The following KCNIP4 variants were observed in gnomAD, a reference collection of about 807,000 sequenced individuals.
KCNIP4 encodes the protein Kv channel-interacting protein 4.
A neutral mutation model predicts 34.0 loss-of-function variants in KCNIP4; 12 were observed. That is an observed-to-expected ratio of 0.35 (90% CI 0.23 to 0.57). The LOEUF is 0.57. Ranked by LOEUF, KCNIP4 falls within the 20% of genes least tolerant of loss-of-function variation. The probability of loss-of-function intolerance (pLI) is 0.83; values close to 1 mark genes in which losing one functional copy is unlikely to be tolerated. For missense variants in KCNIP4, 238 were observed against 311.7 expected (o/e 0.76, Z 1.78); for synonymous variants, 124 against 102.2 (o/e 1.21, Z -1.29).
chr4:20,856,011 T>C (rs1721533346), intron 2 of KCNIP4, among the ~76,000 whole-genome samples: 1 of 152,176 alleles, frequency 6.6e-6, no homozygotes, highest in South Asian at 2.1e-4. Flanking sequence ...CTGGGCTTTA[T>C]GGGGAAAATC....
chr4:21,548,230 C>A (rs114838783), intron 1 of KCNIP4, among the ~76,000 whole-genome samples: 1,673 of 152,094 alleles, frequency 0.011, 31 homozygotes, highest in African/African-American at 0.037. Flanking sequence ...TTATATTCTG[C>A]AGCATTTCGG....
intron 2 of KCNIP4, among the ~76,000 whole-genome samples, chr4:20,861,196 T>C (rs546585413): frequency 2.0e-5 from 3 of 152,290 alleles, no homozygotes; most frequent in South Asian, 2.1e-4. Context: ...CCTCCCTGGA[T>C]AGAGAGTTTA....
intron 1 of KCNIP4, among the ~76,000 whole-genome samples, chr4:21,577,258 A>G (rs1740815867): frequency 6.6e-6 from 1 of 152,124 alleles, no homozygotes; most frequent in Non-Finnish European, 1.5e-5. Context: ...CTCTGTGCCA[A>G]TTTCTAAAGA....
chr4:21,733,400 G>A (rs1715753204), intron 1 of KCNIP4, among the ~76,000 whole-genome samples: 2 of 152,120 alleles, frequency 1.3e-5, no homozygotes, highest in East Asian at 1.9e-4. Flanking sequence ...AGAAGAATAT[G>A]TTGTCTACAG....
chr4:21,075,864 T>A (rs1037528554), intron 1 of KCNIP4, among the ~76,000 whole-genome samples: 2 of 152,182 alleles, frequency 1.3e-5, no homozygotes, highest in African/African-American at 2.4e-5. Flanking sequence ...CATTTGCTTG[T>A]CTGTAAAGGA....
chr4:21,244,686 A>T (rs757383112), intron 1 of KCNIP4, among the ~76,000 whole-genome samples: 1 of 152,226 alleles, frequency 6.6e-6, no homozygotes, highest in African/African-American at 2.4e-5. Context: ...TTAATGAATC[A>T]TGAAATTCTT....
At chr4:21,759,353 A>G (rs193134808) in intron 1 of KCNIP4, among the ~76,000 whole-genome samples, 12 of 152,320 alleles carry the variant, frequency 7.9e-5, no homozygotes, top group Non-Finnish European at 1.6e-4. Flanking sequence ...TGCCTCTTCA[A>G]TCAACATTGG....
chr4:21,618,688 A>C (rs1346510570), intron 1 of KCNIP4, among the ~76,000 whole-genome samples: 1 of 128,544 alleles, frequency 7.8e-6, no homozygotes, highest in Non-Finnish European at 1.5e-5. Flanking sequence ...GCTGGAGTGC[A>C]GTGGCGTGAT....
Position 20,729,739 on chromosome 4 carries a change from C to CAAAAAACACTGATATTTT in KCNIP4, c.*325_*342dup, listed in dbSNP as rs1553881928. 2.6e-5 allele frequency: 5 copies of CAAAAAACACTGATATTTT among 193,800 alleles called. No homozygotes were observed. Among genetic ancestry groups the CAAAAAACACTGATATTTT allele is most frequent in the Non-Finnish European group, 4.2e-5 (4 of 96,146 alleles). 12.0% of individuals were successfully genotyped at this position (193,800 alleles called of 1,614,324 possible). A position where few individuals can be genotyped will look rare whatever the true frequency, so the allele number is the denominator to read the frequency against. ...GGACTGAATACATACAAATGAGTAG[C>CAAAAAACACTGATATTTT]AAAAAACACTGATATTTTAAAATCA... On this transcript the variant is annotated 3_prime_UTR_variant, in exon 9 of 9. Coordinates refer to ENST00000382152, the MANE Select transcript of KCNIP4 (RefSeq NM_025221.6).
chr4:20,742,937 C>G (rs79667669), intron 5 of KCNIP4, among the ~76,000 whole-genome samples: 1 of 151,816 alleles, frequency 6.6e-6, no homozygotes, highest in Non-Finnish European at 1.5e-5. Flanking sequence ...CAAACAGAGC[C>G]AAATCATGAG....
In KCNIP4 at chr4:21,197,200, T is replaced by A. The variant is rs11723943; in HGVS notation, c.62-314491A>T. 2.6e-5 allele frequency among the ~76,000 whole-genome samples: 4 copies of A among 152,332 alleles called. No individual in the cohort carries two copies. In the East Asian group the frequency reaches 7.7e-4, roughly 29 times the overall value. On this transcript the variant is annotated intron_variant, in intron 1 of 8. Transcript: ENST00000382152. ...GTTTCTAATATTTGGTTATTGTGAA[T>A]ATTAACTATTGCGAACATTCTTGCA...
intron 1 of KCNIP4, among the ~76,000 whole-genome samples, chr4:20,961,680 C>G (rs969896393): frequency 6.6e-6 from 1 of 152,026 alleles, no homozygotes; most frequent in Non-Finnish European, 1.5e-5. Context: ...AAAAGTATAA[C>G]CAGAAAAATT....
chr4:21,190,277 A>T (rs1017834425), intron 1 of KCNIP4, among the ~76,000 whole-genome samples: 2 of 151,890 alleles, frequency 1.3e-5, no homozygotes, highest in Non-Finnish European at 2.9e-5. Flanking sequence ...GGGAAACATG[A>T]AGCCTAATGT....
intron 1 of KCNIP4, among the ~76,000 whole-genome samples, chr4:20,964,754 A>T (rs1225791606): frequency 6.6e-6 from 1 of 152,158 alleles, no homozygotes; most frequent in Non-Finnish European, 1.5e-5. Context: ...TAAAATATCC[A>T]ATTTTCTTAG....
At chr4:21,392,109 C>T (rs1278466718) in intron 1 of KCNIP4, among the ~76,000 whole-genome samples, 1 of 152,172 alleles carries the variant, frequency 6.6e-6, no homozygotes, top group Non-Finnish European at 1.5e-5. Context: ...AGGAGATAGA[C>T]TCTTCTGCTA....
chr4:21,006,997 G>A (rs1738623197), intron 1 of KCNIP4, among the ~76,000 whole-genome samples: 1 of 152,196 alleles, frequency 6.6e-6, no homozygotes, highest in Non-Finnish European at 1.5e-5. Flanking sequence ...GTGCCTGGCT[G>A]ACTTTCCAAG....
intron 1 of KCNIP4, among the ~76,000 whole-genome samples, chr4:21,237,204 T>C (rs1372356942): frequency 2.0e-5 from 3 of 152,180 alleles, no homozygotes; most frequent in African/African-American, 7.2e-5. Context: ...GATTACTTGA[T>C]GCCAGAACAA....
chr4:20,879,544 T>C (rs1199330083), intron 2 of KCNIP4, among the ~76,000 whole-genome samples: 1 of 152,210 alleles, frequency 6.6e-6, no homozygotes, highest in Non-Finnish European at 1.5e-5. Context: ...AAATGAGAAA[T>C]ACATTTAATT....
chr4:21,941,167 C>A (rs992543994), intron 1 of KCNIP4, among the ~76,000 whole-genome samples: 1 of 152,066 alleles, frequency 6.6e-6, no homozygotes, highest in Non-Finnish European at 1.5e-5. Context: ...GCTATATATA[C>A]CCAATATTAT....
Sources: gnomAD v4.1 joint callset for allele counts (sites outside exome capture counted in the v4.1 genomes callset) on GRCh38, gnomAD v4.1.1 for gene constraint, MANE v1.5 for transcripts, NCBI Gene and HGNC (gene_info 2026-07-23, HGNC 2026-07-21) for gene names.